Variants in PCDH15 observed in about 807,000 individuals in gnomAD.
PCDH15 encodes the protein protocadherin related 15.
Under a neutral mutation model 178.5 loss-of-function variants are expected in PCDH15, and 129 were observed. That is an observed-to-expected ratio of 0.72 (90% confidence interval 0.63 to 0.84). The LOEUF is 0.84. Ranked by LOEUF, PCDH15 falls within the 40% of genes least tolerant of loss-of-function variation. The pLI is 0.00. For synonymous variants in PCDH15, 800 were observed against 732.0 expected (o/e 1.09, Z -1.50); for missense variants, 2,230 against 2,099.9 (o/e 1.06, Z -1.21).
chr10:54,553,190 A>G (rs1047800960), intron 2 of PCDH15, among the ~76,000 whole-genome samples: 3 of 152,182 alleles, frequency 2.0e-5, no homozygotes, highest in Admixed American at 6.5e-5. Context: ...TTACTTACAG[A>G]TTATCTGGTG....
chr10:54,186,284 C>T (rs963131204), intron 11 of PCDH15, among the ~76,000 whole-genome samples: 1 of 151,848 alleles, frequency 6.6e-6, no homozygotes, highest in African/African-American at 2.4e-5. Context: ...TAAAACACTT[C>T]TTTAAGTCTG....
intron 2 of PCDH15, among the ~76,000 whole-genome samples, chr10:55,326,967 AT>A (rs1282787459): frequency 2.0e-5 from 3 of 152,174 alleles, no homozygotes; most frequent in Admixed American, 2.0e-4. Flanking sequence ...TAGACCTTAC[AT>A]AGTTTACAGA....
At chr10:55,390,243 T>C (rs1257497840) in intron 2 of PCDH15, among the ~76,000 whole-genome samples, 1 of 152,134 alleles carries the variant, frequency 6.6e-6, no homozygotes, top group East Asian at 1.9e-4. Context: ...AAAAAATACA[T>C]CTTTGCAAAA....
chr10:53,875,760 T>C (rs543129863), intron 26 of PCDH15, among the ~76,000 whole-genome samples: 2 of 152,342 alleles, frequency 1.3e-5, no homozygotes, highest in South Asian at 2.1e-4. Flanking sequence ...CTGGAAATTT[T>C]AATGGATACA....
intron 9 of PCDH15, among the ~76,000 whole-genome samples, chr10:54,227,178 C>T (rs573624602): frequency 6.6e-6 from 1 of 152,320 alleles, no homozygotes; most frequent in South Asian, 2.1e-4. Context: ...AGTTTCCCTC[C>T]TGCACTGCAC....
At chr10:55,184,390 T>C (rs1839739271) in intron 1 of PCDH15, among the ~76,000 whole-genome samples, 1 of 152,008 alleles carries the variant, frequency 6.6e-6, no homozygotes, top group African/African-American at 2.4e-5. Flanking sequence ...TGTTCAATTA[T>C]TTACTATTTT....
intron 3 of PCDH15, among the ~76,000 whole-genome samples, chr10:54,828,687 T>C (rs1434759184): frequency 6.6e-6 from 1 of 152,060 alleles, no homozygotes; most frequent in Non-Finnish European, 1.5e-5. Flanking sequence ...AGCTCCTATA[T>C]GTCAGGCATG....
At chr10:54,097,090 T>C (rs1194884066) in intron 15 of PCDH15, among the ~76,000 whole-genome samples, 1 of 152,206 alleles carries the variant, frequency 6.6e-6, no homozygotes, top group African/African-American at 2.4e-5. Context: ...TAGAATGTGC[T>C]GACAGAGCAT....
At chr10:54,622,310 G>A (rs775644114) in intron 2 of PCDH15, among the ~76,000 whole-genome samples, 3 of 151,112 alleles carry the variant, frequency 2.0e-5, no homozygotes, top group African/African-American at 4.9e-5. Context: ...AGACTTCCCT[G>A]GCTTTTCCTA....
intron 3 of PCDH15, among the ~76,000 whole-genome samples, chr10:54,471,122 T>C (rs1229641244): frequency 1.3e-5 from 2 of 152,222 alleles, no homozygotes; most frequent in Admixed American, 1.3e-4. Context: ...TTGTACAATA[T>C]AGTTTTACAA....
chr10:54,300,242 C>T (rs746559766), intron 8 of PCDH15, among the ~76,000 whole-genome samples: 14 of 152,314 alleles, frequency 9.2e-5, no homozygotes, highest in Non-Finnish European at 1.9e-4. Context: ...CAAACAATGC[C>T]TTTCAAACTC....
chr10:55,497,141 T>C (rs1267988395), intron 2 of PCDH15, among the ~76,000 whole-genome samples: 1 of 151,824 alleles, frequency 6.6e-6, no homozygotes, highest in Non-Finnish European at 1.5e-5. Context: ...CATGTAATTT[T>C]TTCTTTGAGA....
rs184891613 is a variant in PCDH15, at chr10:54,520,921, G to A, written c.157+6891C>T. Among the ~76,000 whole-genome samples the A allele has an allele frequency of 1.4e-3, 219 of 151,814 alleles. 1 individual carries two copies. Among genetic ancestry groups the A allele is most frequent in the African/African-American group, 4.8e-3 (199 of 41,374 alleles). Reference sequence around the variant, plus strand: ...GAGTTCATGTCCTTTGTAGGGACACGGATGAAACGAAAACATCATTCTCAG... The same window carrying A: ...GAGTTCATGTCCTTTGTAGGGACACAGATGAAACGAAAACATCATTCTCAG... On this transcript the variant is annotated intron_variant, in intron 3 of 37. Transcript: ENST00000644397.
At chr10:54,933,382 T>A (rs927707838) in intron 2 of PCDH15, among the ~76,000 whole-genome samples, 1 of 152,200 alleles carries the variant, frequency 6.6e-6, no homozygotes, top group Non-Finnish European at 1.5e-5. Context: ...GTGAGACCTC[T>A]CTGCTTTTCC....
At chr10:54,246,329 C>A (rs2055919561) in intron 8 of PCDH15, among the ~76,000 whole-genome samples, 3 of 151,836 alleles carry the variant, frequency 2.0e-5, no homozygotes, top group South Asian at 2.1e-4. Flanking sequence ...TCATAACTAC[C>A]CCTACTTCCA....
intron 6 of PCDH15, among the ~76,000 whole-genome samples, chr10:54,334,530 T>A (rs1024100940): frequency 6.6e-6 from 1 of 152,230 alleles, no homozygotes; most frequent in African/African-American, 2.4e-5. Flanking sequence ...TAGCACTATT[T>A]CTTCTCAGCT....
At chr10:54,064,348 T>C (rs1182694081) in intron 18 of PCDH15, among the ~76,000 whole-genome samples, 1 of 152,094 alleles carries the variant, frequency 6.6e-6, no homozygotes, top group African/African-American at 2.4e-5. Flanking sequence ...TGTTGATTGG[T>C]CCACGGGTGG....
At chr10:55,459,021 C>A (rs1226135910) in intron 2 of PCDH15, among the ~76,000 whole-genome samples, 1 of 151,814 alleles carries the variant, frequency 6.6e-6, no homozygotes, top group Non-Finnish European at 1.5e-5. Flanking sequence ...CTTTCTCCTG[C>A]AGAATGAGGA....
At chr10:54,541,832 C>T (rs986056168) in intron 2 of PCDH15, among the ~76,000 whole-genome samples, 1 of 152,062 alleles carries the variant, frequency 6.6e-6, no homozygotes, top group African/African-American at 2.4e-5. Flanking sequence ...TACTAAGACA[C>T]TCAACAAGGT....
Sources: allele counts gnomAD v4.1 joint callset (sites outside exome capture counted in the v4.1 genomes callset), GRCh38; gene constraint gnomAD v4.1.1; transcripts MANE v1.5; gene names NCBI Gene and HGNC (gene_info 2026-07-23, HGNC 2026-07-21).